Variants in ITSN1 observed in about 807,000 individuals in gnomAD.
ITSN1 encodes the protein intersectin-1.
ITSN1 carries 58 observed loss-of-function variants against 239.8 expected under a neutral mutation model. The ratio of observed to expected loss-of-function variants is 0.24; its 90% confidence interval spans 0.20 to 0.30. The LOEUF is 0.30. Ranked by LOEUF, ITSN1 falls within the 10% of genes least tolerant of loss-of-function variation. ITSN1 has a pLI of 1.00. For synonymous variants in ITSN1, 780 were observed against 770.8 expected, an observed-to-expected ratio of 1.01 and a Z score of -0.20; for missense variants, 1,558 against 2,103.3, an observed-to-expected ratio of 0.74 and a Z score of 5.07.
At chr21:33,772,486 A>T (rs188040173) in intron 12 of ITSN1, among the ~76,000 whole-genome samples, 163 bp downstream of exon 12, 1 of 152,120 alleles carries the variant, frequency 6.6e-6, no homozygotes, top group Non-Finnish European at 1.5e-5. Context: ...GAACATTTTC[A>T]TCACTCCAGC....
intron 1 of ITSN1, among the ~76,000 whole-genome samples, chr21:33,657,606 A>AT (rs1568858778): frequency 6.6e-6 from 1 of 152,008 alleles, no homozygotes; most frequent in Non-Finnish European, 1.5e-5. Context: ...CTGATAGGTG[A>AT]TTTTGTCTTT....
chr21:33,647,251 C>T (rs1396358992), intron 1 of ITSN1, among the ~76,000 whole-genome samples: 6 of 152,060 alleles, frequency 3.9e-5, no homozygotes, highest in Admixed American at 3.3e-4. Context: ...AAGTAGAAAA[C>T]TATGAAATAC....
chr21:33,770,969 T>C (rs2069115572), intron 11 of ITSN1, among the ~76,000 whole-genome samples: 2 of 152,056 alleles, frequency 1.3e-5, no homozygotes, highest in African/African-American at 4.8e-5. Flanking sequence ...TTTCACCATG[T>C]TGGCCAGGCT....
At chr21:33,699,448 G>A (rs940984458) in intron 1 of ITSN1, among the ~76,000 whole-genome samples, 1 of 152,194 alleles carries the variant, frequency 6.6e-6, no homozygotes, top group Non-Finnish European at 1.5e-5. Context: ...TACAAGTCCA[G>A]CTGGCTGGGC....
At chr21:33,729,284 C>T (rs1056986632) in intron 4 of ITSN1, among the ~76,000 whole-genome samples, 4 of 151,688 alleles carry the variant, frequency 2.6e-5, no homozygotes, top group African/African-American at 7.3e-5. Flanking sequence ...GACCCCGTCT[C>T]TACTTTAAAA....
In ITSN1 at chr21:33,889,503, C is replaced by T. The variant is rs1986211295; in HGVS notation, c.*1203C>T. On this transcript the variant is annotated 3_prime_UTR_variant, in exon 40 of 40. Coordinates refer to ENST00000381318, the MANE Select transcript of ITSN1 (RefSeq NM_003024.3). ...CAGGACTTTATGACTATGTGCCAAGCTGTTTGGTTTGAGTTCTTTAATTTT... is the reference window on the plus strand; with the variant it reads ...CAGGACTTTATGACTATGTGCCAAGTTGTTTGGTTTGAGTTCTTTAATTTT... 6.6e-6 allele frequency: 1 copy of T among 152,136 alleles called. No homozygotes were observed. Among genetic ancestry groups the T allele is most frequent in the African/African-American group, 2.4e-5 (1 of 41,428 alleles). 9.4% of individuals were successfully genotyped at this position (152,136 alleles called of 1,614,324 possible).
At chr21:33,853,354 G>A (rs1167574592) in intron 29 of ITSN1, among the ~76,000 whole-genome samples, 1 of 152,202 alleles carries the variant, frequency 6.6e-6, no homozygotes, top group Non-Finnish European at 1.5e-5. Context: ...TGGACCAGAG[G>A]CCAACGCTAC....
intron 34 of ITSN1, among the ~76,000 whole-genome samples, chr21:33,880,419 G>C (rs1181679413): frequency 1.3e-5 from 2 of 152,064 alleles, no homozygotes; most frequent in Admixed American, 6.5e-5. Flanking sequence ...AGGGCTGGTT[G>C]GTCTCCAGGC....
At chr21:33,686,264 T>C (rs570454639) in intron 1 of ITSN1, among the ~76,000 whole-genome samples, 65 of 152,290 alleles carry the variant, frequency 4.3e-4, no homozygotes, top group Admixed American at 8.5e-4. Flanking sequence ...TCCAAATGTA[T>C]TTAAGCTTCT....
chr21:33,711,168 A>G (rs1255651562), intron 1 of ITSN1, among the ~76,000 whole-genome samples: 1 of 152,020 alleles, frequency 6.6e-6, no homozygotes, highest in Non-Finnish European at 1.5e-5. Context: ...TTTTCCAAGA[A>G]ATTTGTTTCT....
chr21:33,739,088 C>T (rs1052224573), intron 5 of ITSN1, among the ~76,000 whole-genome samples: 4 of 152,182 alleles, frequency 2.6e-5, no homozygotes, highest in Non-Finnish European at 5.9e-5. Flanking sequence ...GCCATGGCAC[C>T]AAGCCTCAGA....
rs752065783 is a variant in ITSN1, at chr21:33,673,504, CAAAG to C, written c.-33+30794_-33+30797del. 3.9e-5 allele frequency among the ~76,000 whole-genome samples: 6 copies of C among 152,156 alleles called. No homozygotes were observed. In the East Asian group the frequency reaches 5.8e-4, roughly 15 times the overall value. On this transcript the variant is annotated intron_variant, in intron 1 of 39. Coordinates refer to ENST00000381318, the MANE Select transcript of ITSN1 (RefSeq NM_003024.3). ...CATGTACCTTAAATTATACAATAAACAAAGAAGAGGTGCCGGTTTGAAGGGGCGA... is the reference window on the plus strand; with the variant it reads ...CATGTACCTTAAATTATACAATAAACAAGAGGTGCCGGTTTGAAGGGGCGA...
chr21:33,791,129 T>C (rs1328100330), intron 16 of ITSN1, among the ~76,000 whole-genome samples: 2 of 152,244 alleles, frequency 1.3e-5, no homozygotes, highest in Non-Finnish European at 2.9e-5. Context: ...TTAGAAATCA[T>C]CCATGTTCTG....
At chr21:33,869,040 CTCTT>C (rs1354541464) in intron 33 of ITSN1, among the ~76,000 whole-genome samples, 3 of 152,056 alleles carry the variant, frequency 2.0e-5, no homozygotes, top group East Asian at 3.9e-4. Context: ...TCTCCCTTGA[CTCTT>C]TCTTAAAGAC....
intron 8 of ITSN1, chr21:33,756,794 T>A (rs1262096260): frequency 6.6e-6 from 1 of 152,070 alleles, no homozygotes; most frequent in Non-Finnish European, 1.5e-5. Flanking sequence ...GAGATGGAGC[T>A]TCACTCTTGT....
intron 29 of ITSN1, among the ~76,000 whole-genome samples, chr21:33,855,773 T>C (rs959145580): frequency 2.0e-5 from 3 of 152,240 alleles, no homozygotes; most frequent in Non-Finnish European, 4.4e-5. Flanking sequence ...TGCCAGGCTC[T>C]CTGCAGTGGG....
intron 1 of ITSN1, among the ~76,000 whole-genome samples, chr21:33,709,178 T>A (rs1178774337): frequency 2.0e-5 from 3 of 152,204 alleles, no homozygotes; most frequent in Non-Finnish European, 4.4e-5. Context: ...CAATTTTGAT[T>A]GGGATTGCAT....
In ITSN1 at chr21:33,689,837, G is replaced by A. The variant is rs150665961; in HGVS notation, c.-32-28960G>A. Among the ~76,000 whole-genome samples the A allele has an allele frequency of 3.7e-3, 563 of 151,752 alleles. 3 individuals carry two copies. The highest frequency in any genetic ancestry group is 0.012 in the African/African-American group (517 of 41,372). ...ACAAAAGTTAGCCGGGCATGGTGGC[G>A]CACGCCTGTAATCCCAGCTACTCAG... is the stretch of plus-strand genomic sequence containing the variant. On this transcript the variant is annotated intron_variant, in intron 1 of 39. Transcript: ENST00000381318.
intron 16 of ITSN1, among the ~76,000 whole-genome samples, chr21:33,785,236 A>G (rs1048050621): frequency 5.3e-5 from 8 of 152,194 alleles, no homozygotes; most frequent in African/African-American, 1.4e-4. Context: ...TGGCTCCACA[A>G]ATGAGGATAA....
Sources: gnomAD v4.1 joint callset for allele counts (sites outside exome capture counted in the v4.1 genomes callset) on GRCh38, gnomAD v4.1.1 for gene constraint, MANE v1.5 for transcripts, NCBI Gene and HGNC (gene_info 2026-07-23, HGNC 2026-07-21) for gene names.